Variants in KCNIP1 observed in about 807,000 individuals in gnomAD.
KCNIP1 encodes A-type potassium channel modulatory protein KCNIP1.
A neutral mutation model predicts 33.0 loss-of-function variants in KCNIP1; 18 were observed. The observed-to-expected ratio is 0.55, with a 90% CI of 0.38 to 0.81. KCNIP1 has a LOEUF of 0.81. Ranked by LOEUF, KCNIP1 falls within the 30% of genes least tolerant of loss-of-function variation. The pLI, the probability that KCNIP1 is intolerant of heterozygous loss-of-function variation, is 0.00. For missense variants in KCNIP1, 238 were observed against 271.6 expected, an observed-to-expected ratio of 0.88 and a Z score of 0.87; for synonymous variants, 93 against 98.3, an observed-to-expected ratio of 0.95 and a Z score of 0.32.
chr5:170,678,161 G>A (rs1206593416), intron 1 of KCNIP1, among the ~76,000 whole-genome samples: 1 of 152,224 alleles, frequency 6.6e-6, no homozygotes, highest in Non-Finnish European at 1.5e-5. Flanking sequence ...ACTGGGATGT[G>A]AGAAGAAGGC....
rs937644557 is a variant in KCNIP1, at chr5:170,370,934, G to T, written c.88+16970G>T. 2.0e-5 allele frequency among the ~76,000 whole-genome samples: 3 copies of T among 152,224 alleles called. No individual in the cohort carries two copies. The South Asian group carries it at 6.2e-4, about 32-fold the overall frequency. ...GAAGGTATGACATGGCCTAAGTTTA[G>T]TTAACGATAGTAAAAGAGGACTCTG... On this transcript the variant is annotated intron_variant, in intron 1 of 7. Coordinates refer to the KCNIP1 transcript ENST00000377360.
intron 1 of KCNIP1, among the ~76,000 whole-genome samples, chr5:170,549,227 T>C (rs1400056146): frequency 6.6e-6 from 1 of 152,234 alleles, no homozygotes; most frequent in African/African-American, 2.4e-5. Context: ...AAGGATTAAA[T>C]TCCTAAGTTC....
intron 1 of KCNIP1, among the ~76,000 whole-genome samples, chr5:170,543,268 C>T (rs185160720): frequency 6.6e-6 from 1 of 152,126 alleles, no homozygotes; most frequent in African/African-American, 2.4e-5. Context: ...CACGGACAGT[C>T]CTCATTTTTC....
intron 1 of KCNIP1, among the ~76,000 whole-genome samples, chr5:170,417,635 GT>G (rs200069072): frequency 3.3e-5 from 5 of 151,850 alleles, no homozygotes; most frequent in Non-Finnish European, 7.4e-5. Flanking sequence ...CCCATTCCCT[GT>G]TTTTTTTGTG....
At chr5:170,436,103 G>A (rs969402691) in intron 1 of KCNIP1, among the ~76,000 whole-genome samples, 1 of 152,136 alleles carries the variant, frequency 6.6e-6, no homozygotes, top group African/African-American at 2.4e-5. Flanking sequence ...GAAGATGTGG[G>A]GCTGAGCATT....
chr5:170,435,260 C>T (rs1379407626), intron 1 of KCNIP1, among the ~76,000 whole-genome samples: 3 of 152,240 alleles, frequency 2.0e-5, no homozygotes, highest in Non-Finnish European at 4.4e-5. Context: ...GGTGTCTCCC[C>T]TGTACTTCTT....
intron 1 of KCNIP1, among the ~76,000 whole-genome samples, chr5:170,653,106 G>A (rs1029232816): frequency 7.2e-5 from 11 of 152,320 alleles, no homozygotes; most frequent in Admixed American, 5.9e-4. Context: ...AAGGAGTAGG[G>A]GACCAGTCTG....
chr5:170,446,013 A>G (rs1021379196), intron 1 of KCNIP1, among the ~76,000 whole-genome samples: 1 of 152,212 alleles, frequency 6.6e-6, no homozygotes, highest in Non-Finnish European at 1.5e-5. Flanking sequence ...ATAAGCATGC[A>G]GCCTGACCTG....
intron 1 of KCNIP1, among the ~76,000 whole-genome samples, chr5:170,357,123 C>T (rs1438910325): frequency 6.8e-6 from 1 of 147,208 alleles, no homozygotes; most frequent in Non-Finnish European, 1.5e-5. Flanking sequence ...TAAAGAATCT[C>T]TTTGGCATTA....
At chr5:170,474,983 G>A (rs1561642438) in intron 1 of KCNIP1, among the ~76,000 whole-genome samples, 2 of 152,292 alleles carry the variant, frequency 1.3e-5, no homozygotes, top group Non-Finnish European at 1.5e-5. Context: ...CTGCTGATTG[G>A]TCCATTTTAC....
chr5:170,523,323 T>C (rs975047419), intron 1 of KCNIP1, among the ~76,000 whole-genome samples: 2 of 152,208 alleles, frequency 1.3e-5, no homozygotes, highest in Non-Finnish European at 2.9e-5. Context: ...GGCGATGCTC[T>C]GGGAAGCCCT....
In KCNIP1 at chr5:170,736,077, T is replaced by G. The variant is rs1408344749; in HGVS notation, c.*271T>G. ...AAGCATGCTCATCTCCTCACACTGCTGCCCTATGGAAGGTCCCTCTGCTTA... is the reference window on the plus strand; with the variant it reads ...AAGCATGCTCATCTCCTCACACTGCGGCCCTATGGAAGGTCCCTCTGCTTA... On this transcript the variant is annotated 3_prime_UTR_variant, in exon 8 of 8. Transcript: ENST00000328939. 1 of 483,896 alleles carries G rather than the reference T, an allele frequency of 2.1e-6. No individual in the cohort carries two copies. Among genetic ancestry groups the G allele is most frequent in the Non-Finnish European group, 3.7e-6 (1 of 269,680 alleles). The allele number at this position is 483,896 out of a possible 1,614,324, so 30.0% of individuals were successfully genotyped here.
intron 1 of KCNIP1, among the ~76,000 whole-genome samples, chr5:170,687,585 A>T (rs987105900): frequency 1.4e-4 from 21 of 152,106 alleles, no homozygotes; most frequent in Non-Finnish European, 2.9e-4. Context: ...AGCTAGAGAG[A>T]AGATGGTTGA....
chr5:170,354,117 T>C (rs1053256629), intron 1 of KCNIP1, among the ~76,000 whole-genome samples: 4 of 152,186 alleles, frequency 2.6e-5, no homozygotes, highest in African/African-American at 9.7e-5. Context: ...GCTGACAACC[T>C]GCGTCCTGGC....
chr5:170,490,460 G>C (rs572880595), intron 1 of KCNIP1, among the ~76,000 whole-genome samples: 1 of 152,154 alleles, frequency 6.6e-6, no homozygotes, highest in East Asian at 1.9e-4. Context: ...AAATGACACA[G>C]AACTACACAC....
At chr5:170,447,197 C>A (rs1488935962) in intron 1 of KCNIP1, among the ~76,000 whole-genome samples, 1 of 152,144 alleles carries the variant, frequency 6.6e-6, no homozygotes, top group East Asian at 1.9e-4. Flanking sequence ...AAAGCTCCTA[C>A]TGCAAGAGAG....
chr5:170,371,059 G>A (rs1763829550), intron 1 of KCNIP1, among the ~76,000 whole-genome samples: 1 of 152,212 alleles, frequency 6.6e-6, no homozygotes. Flanking sequence ...AAGTAGAGAT[G>A]AATGAGAGGC....
chr5:170,601,128 G>A (rs140757998), intron 1 of KCNIP1, among the ~76,000 whole-genome samples: 3 of 152,366 alleles, frequency 2.0e-5, no homozygotes, highest in Non-Finnish European at 4.4e-5. Context: ...GCTTCCCTCT[G>A]TGTACAGAGC....
intron 1 of KCNIP1, among the ~76,000 whole-genome samples, chr5:170,564,186 T>C (rs1250109841): frequency 2.0e-5 from 3 of 152,198 alleles, no homozygotes; most frequent in Non-Finnish European, 4.4e-5. Context: ...TTTTAATTTC[T>C]ATAATTATGT....
Sources: gnomAD v4.1 joint callset for allele counts (sites outside exome capture counted in the v4.1 genomes callset) on GRCh38, gnomAD v4.1.1 for gene constraint, MANE v1.5 for transcripts, NCBI Gene and HGNC (gene_info 2026-07-23, HGNC 2026-07-21) for gene names.